JAM2: variants seen among roughly 807,000 people sequenced by gnomAD.
JAM2 encodes the protein junctional adhesion molecule B.
JAM2 carries 17 observed loss-of-function variants against 42.0 expected under a neutral mutation model. That is an observed-to-expected ratio of 0.40 (90% confidence interval 0.28 to 0.61). The LOEUF (loss-of-function observed/expected upper bound fraction) is 0.61. Ranked by LOEUF, JAM2 falls within the 20% of genes least tolerant of loss-of-function variation. The probability of loss-of-function intolerance (pLI) is 0.37; values close to 1 mark genes in which losing one functional copy is unlikely to be tolerated. For missense variants in JAM2, 319 were observed against 358.3 expected, an observed-to-expected ratio of 0.89 and a Z score of 0.89; for synonymous variants, 118 against 128.6, an observed-to-expected ratio of 0.92 and a Z score of 0.56.
intron 1 of JAM2, among the ~76,000 whole-genome samples, chr21:25,652,766 C>T (rs1018754): frequency 0.34 from 51,824 of 152,080 alleles, 10,686 homozygotes; most frequent in East Asian, 0.65. Context: ...TTTGAACTCA[C>T]AATGCTTTCC....
Position 25,683,306 on chromosome 21 carries a change from C to A in JAM2, c.68-577C>A, listed in dbSNP as rs79582704. On this transcript the variant is annotated intron_variant, in intron 1 of 9. Transcript: ENST00000480456. ...ACAGTCAGTTACTTCAGTCTATAGA[C>A]CGGCTCTCAAAAATCATTGAAATGT... is the stretch of plus-strand genomic sequence containing the variant. Among the ~76,000 whole-genome samples, 446 of 152,174 alleles carry A rather than the reference C, an allele frequency of 2.9e-3. 17 individuals carry two copies. The East Asian group carries it at 0.051, about 18-fold the overall frequency.
rs760463400 is a variant in JAM2 at position 25,715,785 on chromosome 21, A to G, written c.*1113A>G. ...CACAAAAGCTTCCAGCTACTATTAC[A>G]ATGTGAAAATTCCAATGATCCGTTT... On this transcript the variant is annotated 3_prime_UTR_variant, in exon 10 of 10. Transcript: ENST00000480456. The G allele has an allele frequency of 5.3e-5, 8 of 152,216 alleles. No homozygotes were observed. The highest frequency in any genetic ancestry group is 1.2e-4 in the Non-Finnish European group (8 of 68,036). The allele number at this position is 152,216 out of a possible 1,614,324, so 9.4% of individuals were successfully genotyped here.
intron 1 of JAM2, among the ~76,000 whole-genome samples, chr21:25,666,918 A>G (rs947130053): frequency 6.6e-6 from 1 of 152,220 alleles, no homozygotes; most frequent in Non-Finnish European, 1.5e-5. Flanking sequence ...AAATATATTC[A>G]TGTAATTTTT....
chr21:25,706,456 A>C (rs1447211264), intron 7 of JAM2, among the ~76,000 whole-genome samples: 1 of 152,186 alleles, frequency 6.6e-6, no homozygotes, highest in Non-Finnish European at 1.5e-5. Flanking sequence ...TGCTGGGATT[A>C]CAGGTGTGAG....
chr21:25,648,456 G>GTGTGTGTA (rs1452710812), intron 1 of JAM2, among the ~76,000 whole-genome samples: 5 of 151,742 alleles, frequency 3.3e-5, no homozygotes, highest in South Asian at 4.2e-4. Flanking sequence ...GTGTTTGTGT[G>GTGTGTGTA]TGTGTGTGTG....
At chr21:25,688,243 G>GGGGTGT (rs1555868472) in intron 2 of JAM2, among the ~76,000 whole-genome samples, 2 of 149,710 alleles carry the variant, frequency 1.3e-5, no homozygotes, top group South Asian at 4.2e-4. Context: ...CACCAGGAGG[G>GGGGTGT]GTGTGTGTGT....
intron 1 of JAM2, among the ~76,000 whole-genome samples, chr21:25,681,539 C>T (rs2033631295): frequency 6.6e-6 from 1 of 152,198 alleles, no homozygotes; most frequent in Non-Finnish European, 1.5e-5. Flanking sequence ...TCCCACAACA[C>T]ATGGGGATTA....
rs114431917 is a variant in JAM2, at chr21:25,691,749, G to A, written c.241+1776G>A. ...TCAATTCTTTAAAATATAACATGGG[G>A]CTGGGCACAGTGGCTCATGTCTGTA... On this transcript the variant is annotated intron_variant, in intron 3 of 9. Coordinates refer to ENST00000480456, the MANE Select transcript of JAM2 (RefSeq NM_021219.4). 8.4e-3 allele frequency among the ~76,000 whole-genome samples: 1,275 copies of A among 152,200 alleles called. 18 individuals are homozygous for A. The highest frequency in any genetic ancestry group is 0.029 in the African/African-American group (1,221 of 41,514).
chr21:25,690,613 A>G (rs990521426), intron 3 of JAM2, among the ~76,000 whole-genome samples: 1 of 152,032 alleles, frequency 6.6e-6, no homozygotes, highest in African/African-American at 2.4e-5. Flanking sequence ...CTCCAAAAGT[A>G]CTGGAATTAC....
intron 1 of JAM2, among the ~76,000 whole-genome samples, chr21:25,649,138 C>T (rs1311326889): frequency 6.6e-6 from 1 of 152,178 alleles, no homozygotes; most frequent in African/African-American, 2.4e-5. Context: ...AATTAGTAAG[C>T]ATTGATTAAA....
At chr21:25,714,167 T>C (rs1043605752) in intron 9 of JAM2, 1 of 1,301,404 alleles carries the variant, frequency 7.7e-7, no homozygotes. Flanking sequence ...CCTTGTCTGC[T>C]AGGAGTTAGT....
intron 1 of JAM2, among the ~76,000 whole-genome samples, chr21:25,652,204 A>G (rs986099415): frequency 5.9e-5 from 9 of 152,010 alleles, no homozygotes; most frequent in African/African-American, 2.2e-4. Context: ...TAGGCCATAT[A>G]GGAAGGCCAC....
chr21:25,652,712 C>T (rs2032815922), intron 1 of JAM2, among the ~76,000 whole-genome samples: 1 of 152,122 alleles, frequency 6.6e-6, no homozygotes, highest in African/African-American at 2.4e-5. Flanking sequence ...AGTACAGGTC[C>T]TATAATGTTC....
At chr21:25,673,556 G>A (rs1222395983) in intron 1 of JAM2, among the ~76,000 whole-genome samples, 1 of 152,124 alleles carries the variant, frequency 6.6e-6, no homozygotes, top group African/African-American at 2.4e-5. Flanking sequence ...TATACTCTCT[G>A]AATAATATCT....
rs1292043841 is a variant in JAM2, at chr21:25,716,482, C to T, written c.*1810C>T. On this transcript the variant is annotated 3_prime_UTR_variant, in exon 10 of 10. Transcript: ENST00000480456. ...GCTATGTCTCTCACCAGATCCCTTC[C>T]TGGAGGTCGGGCTTCTGTAACATGG... is the stretch of plus-strand genomic sequence containing the variant. The T allele has an allele frequency of 1.3e-5, 2 of 152,174 alleles. No homozygotes were observed. The highest frequency in any genetic ancestry group is 2.9e-5 in the Non-Finnish European group (2 of 68,034). 9.4% of individuals were successfully genotyped at this position (152,174 alleles called of 1,614,324 possible). A position where few individuals can be genotyped will look rare whatever the true frequency, so the allele number is the denominator to read the frequency against.
At chr21:25,644,991 CT>C (rs1382044401) in intron 1 of JAM2, among the ~76,000 whole-genome samples, 2 of 152,184 alleles carry the variant, frequency 1.3e-5, no homozygotes, top group Non-Finnish European at 2.9e-5. Flanking sequence ...AGCAATTCTC[CT>C]GCCTCAGCCT....
chr21:25,658,286 A>G (rs1447329591), intron 1 of JAM2, among the ~76,000 whole-genome samples: 1 of 152,196 alleles, frequency 6.6e-6, no homozygotes, highest in East Asian at 1.9e-4. Context: ...TTGTAGAACC[A>G]GAGAAATCAT....
intron 3 of JAM2, among the ~76,000 whole-genome samples, chr21:25,693,246 CTA>C (rs1028092858): frequency 7.3e-5 from 11 of 150,444 alleles, no homozygotes; most frequent in Admixed American, 4.7e-4. Flanking sequence ...GAATATAAAA[CTA>C]TGCTTTTTTG....
chr21:25,699,919 C>A (rs2034130871), intron 5 of JAM2, among the ~76,000 whole-genome samples: 2 of 151,578 alleles, frequency 1.3e-5, no homozygotes, highest in African/African-American at 4.9e-5. Context: ...TTGGGGATAC[C>A]CTGACCATGT....
Sources: gnomAD v4.1 joint callset for allele counts (sites outside exome capture counted in the v4.1 genomes callset) on GRCh38, gnomAD v4.1.1 for gene constraint, MANE v1.5 for transcripts, NCBI Gene and HGNC (gene_info 2026-07-23, HGNC 2026-07-21) for gene names.